The following CHCHD3 variants were observed in gnomAD, a reference collection of about 807,000 sequenced individuals.
The protein encoded by CHCHD3 is coiled-coil-helix-coiled-coil-helix domain containing 3.
In CHCHD3, 20 loss-of-function variants were observed where a neutral mutation model predicts 38.2. The observed-to-expected ratio is 0.52, with a 90% CI of 0.37 to 0.76. The LOEUF is 0.76. Among genes scored for constraint, CHCHD3 ranks in the 30% least tolerant of loss-of-function variants. The pLI is 0.00. For synonymous variants in CHCHD3, 82 were observed against 100.0 expected (o/e 0.82, Z 1.07); for missense variants, 245 against 279.2 (o/e 0.88, Z 0.87).
At chr7:132,999,530 T>C (rs1341695297) in intron 3 of CHCHD3, among the ~76,000 whole-genome samples, 2 of 152,216 alleles carry the variant, frequency 1.3e-5, no homozygotes, top group East Asian at 3.8e-4. Flanking sequence ...TATATTGCCT[T>C]ATTCTGTTTC....
At chr7:133,024,104 C>G (rs555019396) in intron 3 of CHCHD3, among the ~76,000 whole-genome samples, 1 of 152,150 alleles carries the variant, frequency 6.6e-6, no homozygotes, top group South Asian at 2.1e-4. Context: ...AATTTTTTTA[C>G]GTGAACAGAA....
At chr7:132,821,824 G>A (rs970874832) in intron 6 of CHCHD3, among the ~76,000 whole-genome samples, 38 of 146,400 alleles carry the variant, frequency 2.6e-4, no homozygotes, top group African/African-American at 9.7e-4. Flanking sequence ...CTGCAGTGGC[G>A]CAATCTCGGC....
intron 5 of CHCHD3, 75 bp downstream of exon 5, chr7:132,885,587 T>C (rs1490410709): frequency 8.4e-7 from 1 of 1,185,736 alleles, no homozygotes; most frequent in African/African-American, 1.6e-5. Context: ...GAAGTTCTAA[T>C]TTATTAATTT....
chr7:132,879,716 T>TAAAAAAAAAAAAAAAAAA (rs56259114), intron 5 of CHCHD3, among the ~76,000 whole-genome samples: 16 of 38,430 alleles, frequency 4.2e-4, no homozygotes, highest in Non-Finnish European at 6.1e-4. Context: ...TTGTCAAAAG[T>TAAAAAAAAAAAAAAAAAA]AAAAAAAAAA....
At chr7:132,802,314 G>A (rs1187538385) in intron 6 of CHCHD3, among the ~76,000 whole-genome samples, 2 of 152,044 alleles carry the variant, frequency 1.3e-5, no homozygotes, top group Admixed American at 1.3e-4. Context: ...ACCCTGACAC[G>A]ATGGGACTCC....
intron 5 of CHCHD3, among the ~76,000 whole-genome samples, chr7:132,839,531 A>C (rs1807884893): frequency 6.6e-6 from 1 of 152,236 alleles, no homozygotes; most frequent in South Asian, 2.1e-4. Context: ...AAAAAACAAC[A>C]ACAACAAAAC....
At chr7:132,910,827 G>A (rs1029764245) in intron 4 of CHCHD3, among the ~76,000 whole-genome samples, 1 of 152,092 alleles carries the variant, frequency 6.6e-6, no homozygotes, top group Non-Finnish European at 1.5e-5. Context: ...TGACCCTACC[G>A]AGTCTGAGTA....
chr7:133,073,402 T>A (rs557616748), intron 1 of CHCHD3, among the ~76,000 whole-genome samples: 1 of 152,304 alleles, frequency 6.6e-6, no homozygotes, highest in African/African-American at 2.4e-5. Context: ...TCACTCGAGC[T>A]TAAGACCTAT....
chr7:132,905,769 G>A (rs1324562944), intron 4 of CHCHD3, among the ~76,000 whole-genome samples: 1 of 152,188 alleles, frequency 6.6e-6, no homozygotes, highest in Admixed American at 6.5e-5. Context: ...ATTTGGATGG[G>A]CTGATCATCT....
intron 4 of CHCHD3, among the ~76,000 whole-genome samples, chr7:132,909,612 A>T (rs949356537): frequency 2.6e-5 from 4 of 152,228 alleles, no homozygotes; most frequent in Non-Finnish European, 4.4e-5. Flanking sequence ...AAATAAACAA[A>T]TCTTGCCAAA....
intron 1 of CHCHD3, among the ~76,000 whole-genome samples, chr7:133,074,443 T>C (rs1218239356): frequency 6.6e-6 from 1 of 152,162 alleles, no homozygotes; most frequent in Non-Finnish European, 1.5e-5. Flanking sequence ...TGACAGCCAC[T>C]GGGAATGTTG....
rs1011549221 is a variant in CHCHD3 at position 132,848,602 on chromosome 7, GT to G, written c.454-10134del. On this transcript the variant is annotated intron_variant, in intron 5 of 7. Coordinates refer to ENST00000262570, the MANE Select transcript of CHCHD3 (RefSeq NM_017812.4). The stretch of plus-strand genomic sequence containing the variant: ...TTCTACCAGAACTTTAAAAGCTATG[GT>G]TTTTTTTAATCAGTAATAGTCCAAA... Among the ~76,000 whole-genome samples, 6 of 152,016 alleles carry G rather than the reference GT, an allele frequency of 3.9e-5. No homozygotes were observed. In the East Asian group the frequency reaches 9.7e-4, roughly 25 times the overall value.
At chr7:132,888,372 C>T (rs1407946741) in intron 4 of CHCHD3, among the ~76,000 whole-genome samples, 4 of 151,378 alleles carry the variant, frequency 2.6e-5, no homozygotes, top group Non-Finnish European at 4.4e-5. Context: ...ATTGTGGTGG[C>T]GGTTATATAA....
At position 132,909,361 on chromosome 7, in the gene CHCHD3, C is replaced by T. The variant is rs553915668; in HGVS notation, c.370-23616G>A. 1.3e-4 allele frequency among the ~76,000 whole-genome samples: 20 copies of T among 152,064 alleles called. 1 individual carries two copies. The highest frequency in any genetic ancestry group is 4.3e-4 in the African/African-American group (18 of 41,486). On this transcript the variant is annotated intron_variant, in intron 4 of 7. Coordinates refer to ENST00000262570, the MANE Select transcript of CHCHD3 (RefSeq NM_017812.4). ...ACACAAAAATTAGCCAGGTGTGGTG[C>T]GCATCTGTCGTCCCAGCTACTTGGG...
At chr7:132,917,629 C>T (rs868282769) in intron 4 of CHCHD3, among the ~76,000 whole-genome samples, 1 of 152,084 alleles carries the variant, frequency 6.6e-6, no homozygotes, top group African/African-American at 2.4e-5. Flanking sequence ...GAGGCTGAGG[C>T]GGGCAGATCA....
At chr7:132,924,007 A>T (rs1810318277) in intron 4 of CHCHD3, among the ~76,000 whole-genome samples, 2 of 152,224 alleles carry the variant, frequency 1.3e-5, no homozygotes, top group African/African-American at 4.8e-5. Context: ...AAACTATGCA[A>T]TTCATCAGAA....
chr7:132,807,478 A>G (rs564456093), intron 6 of CHCHD3, among the ~76,000 whole-genome samples: 1 of 152,016 alleles, frequency 6.6e-6, no homozygotes, highest in South Asian at 2.1e-4. Context: ...TGAATGGTTA[A>G]TGAGTAATGG....
intron 2 of CHCHD3, among the ~76,000 whole-genome samples, chr7:133,069,903 T>C (rs1814769214): frequency 6.6e-6 from 1 of 152,226 alleles, no homozygotes; most frequent in Non-Finnish European, 1.5e-5. Flanking sequence ...TTCCAAAGCC[T>C]AGTAGAGGAT....
rs115490712 is a variant in CHCHD3, at chr7:132,899,439, C to A, written c.370-13694G>T. ...ACCCTTTGAGGCAGGTTCTCTTAAA[C>A]ATAGAGCTAAAGGGCACGCTCCTAT... On this transcript the variant is annotated intron_variant, in intron 4 of 7. Transcript: ENST00000262570. 3.9e-3 allele frequency among the ~76,000 whole-genome samples: 594 copies of A among 152,320 alleles called. 3 individuals carry two copies. The highest frequency in any genetic ancestry group is 0.014 in the African/African-American group (571 of 41,572).
Sources: allele counts gnomAD v4.1 joint callset (sites outside exome capture counted in the v4.1 genomes callset), GRCh38; gene constraint gnomAD v4.1.1; transcripts MANE v1.5; gene names NCBI Gene and HGNC (gene_info 2026-07-23, HGNC 2026-07-21).